The following ROBO1 variants were observed in gnomAD, a reference collection of about 807,000 sequenced individuals.
ROBO1 encodes roundabout guidance receptor 1, also known as roundabout homolog 1.
ROBO1 carries 149 observed loss-of-function variants against 195.9 expected under a neutral mutation model. The observed-to-expected ratio is 0.76, with a 90% CI of 0.67 to 0.87. ROBO1 has a LOEUF of 0.87. Ranked by LOEUF, ROBO1 falls within the 40% of genes least tolerant of loss-of-function variation. ROBO1 has a pLI of 0.00. For missense variants in ROBO1, 1,933 were observed against 2,068.3 expected (o/e 0.93, Z 1.27); for synonymous variants, 816 against 733.2 (o/e 1.11, Z -1.82).
chr3:78,975,406 T>A (rs1057287020), intron 3 of ROBO1, among the ~76,000 whole-genome samples: 2 of 152,132 alleles, frequency 1.3e-5, no homozygotes, highest in African/African-American at 2.4e-5. Context: ...ATAAAGCCAG[T>A]ATGCCTTCCT....
Position 78,651,945 on chromosome 3 carries a change from C to A in ROBO1, c.2615-16G>T. Reference sequence around the variant, plus strand: ...CCATGGGCATCTGAAAAGTCATCTTCCGATTAATTTGGGTTGAAGACTCAA... The same window carrying A: ...CCATGGGCATCTGAAAAGTCATCTTACGATTAATTTGGGTTGAAGACTCAA... On this transcript the variant is annotated splice_polypyrimidine_tract_variant and intron_variant, in intron 18 of 30. Coordinates refer to ENST00000464233, the MANE Select transcript of ROBO1 (RefSeq NM_002941.4). The A allele has an allele frequency of 6.2e-7, 1 of 1,607,402 alleles. No homozygotes were observed. Among genetic ancestry groups the A allele is most frequent in the East Asian group, 2.2e-5 (1 of 44,770 alleles).
intron 10 of ROBO1, among the ~76,000 whole-genome samples, chr3:78,681,751 A>G (rs1451206306): frequency 2.0e-5 from 3 of 152,024 alleles, no homozygotes; most frequent in Non-Finnish European, 4.4e-5. Flanking sequence ...AAAATACAAA[A>G]ATTAGTCGGG....
chr3:79,583,137 G>A (rs1943711923), intron 2 of ROBO1, among the ~76,000 whole-genome samples: 1 of 152,064 alleles, frequency 6.6e-6, no homozygotes, highest in African/African-American at 2.4e-5. Context: ...CTTATGGATA[G>A]TGGTCATTCT....
chr3:78,669,050 C>T (rs1395941604), intron 11 of ROBO1, among the ~76,000 whole-genome samples: 2 of 152,072 alleles, frequency 1.3e-5, no homozygotes, highest in African/African-American at 2.4e-5. Flanking sequence ...TTTTCTTAAA[C>T]TACTGACTTT....
Position 79,360,548 on chromosome 3 carries a change from C to A in ROBO1, c.88+229276G>T. On this transcript the variant is annotated intron_variant, in intron 2 of 30. Coordinates refer to ENST00000464233, the MANE Select transcript of ROBO1 (RefSeq NM_002941.4). ...CAGCTACAGTTTTGCATATTAATAA[C>A]AATGACATTGATGATGGTGATGATG... Among the ~76,000 whole-genome samples the A allele has an allele frequency of 1.3e-5, 2 of 151,938 alleles. 1 individual carries two copies. The highest frequency in any genetic ancestry group is 1.3e-4 in the Admixed American group (2 of 15,246).
chr3:79,200,043 G>A (rs978439336), intron 2 of ROBO1, among the ~76,000 whole-genome samples: 1 of 151,700 alleles, frequency 6.6e-6, no homozygotes, highest in East Asian at 1.9e-4. Context: ...GACCATCAAA[G>A]CTGTAACTGT....
chr3:79,017,675 C>G (rs767235054), intron 3 of ROBO1, among the ~76,000 whole-genome samples: 6 of 152,020 alleles, frequency 3.9e-5, no homozygotes, highest in Non-Finnish European at 8.8e-5. Context: ...TTTCAGCATC[C>G]TTCCAACACT....
chr3:79,229,895 T>C lies in ROBO1; in HGVS notation c.89-104356A>G, dbSNP rs767403633. ...TATCAATGATCTTTCTCACTAATAA[T>C]TGAGAGTTTTCTTGATTTCAAAAAG... On this transcript the variant is annotated intron_variant, in intron 2 of 30. Coordinates refer to ENST00000464233, the MANE Select transcript of ROBO1 (RefSeq NM_002941.4). Among the ~76,000 whole-genome samples, 70 of 152,158 alleles carry C rather than the reference T, an allele frequency of 4.6e-4. 2 individuals are homozygous for C. Among genetic ancestry groups the C allele is most frequent in the Non-Finnish European group, 1.6e-4 (11 of 68,024 alleles).
chr3:79,466,634 G>A (rs1416663493), intron 2 of ROBO1, among the ~76,000 whole-genome samples: 1 of 151,890 alleles, frequency 6.6e-6, no homozygotes, highest in Non-Finnish European at 1.5e-5. Context: ...TTTCAATAGG[G>A]CAGGTACTGG....
chr3:78,936,799 T>C (rs536121490), intron 4 of ROBO1, among the ~76,000 whole-genome samples: 1 of 152,070 alleles, frequency 6.6e-6, no homozygotes, highest in East Asian at 1.9e-4. Context: ...TACATTCTTT[T>C]ATAAATAGGT....
intron 9 of ROBO1, among the ~76,000 whole-genome samples, chr3:78,687,759 G>T (rs2081083273): frequency 6.6e-6 from 1 of 151,816 alleles, no homozygotes; most frequent in African/African-American, 2.4e-5. Flanking sequence ...AGAGTAGCTG[G>T]GACTAGAAAC....
At chr3:79,174,310 G>A (rs892326475) in intron 2 of ROBO1, among the ~76,000 whole-genome samples, 1 of 151,802 alleles carries the variant, frequency 6.6e-6, no homozygotes, top group African/African-American at 2.4e-5. Flanking sequence ...CTCCAGACGT[G>A]CCGCCTTAAG....
chr3:79,093,328 G>T (rs980588506), intron 3 of ROBO1, among the ~76,000 whole-genome samples: 1 of 152,028 alleles, frequency 6.6e-6, no homozygotes, highest in Admixed American at 6.6e-5. Flanking sequence ...TGTATAACTT[G>T]GGAGTTCCTT....
At chr3:79,041,739 A>G (rs2078491226) in intron 3 of ROBO1, among the ~76,000 whole-genome samples, 1 of 152,130 alleles carries the variant, frequency 6.6e-6, no homozygotes, top group Non-Finnish European at 1.5e-5. Context: ...TTTTCCACAA[A>G]TGGGAGGAAA....
chr3:79,384,902 G>A (rs146787016), intron 2 of ROBO1, among the ~76,000 whole-genome samples: 6 of 151,984 alleles, frequency 3.9e-5, no homozygotes, highest in Non-Finnish European at 8.8e-5. Flanking sequence ...GGAAATCTCC[G>A]ATACAGGAAA....
intron 2 of ROBO1, among the ~76,000 whole-genome samples, chr3:79,557,549 C>A (rs2107695691): frequency 6.6e-6 from 1 of 151,602 alleles, no homozygotes; most frequent in Admixed American, 6.6e-5. Context: ...GCCTGGCCAA[C>A]AAGGCGAAAC....
At chr3:79,395,955 T>G in intron 2 of ROBO1, among the ~76,000 whole-genome samples, 1 of 152,114 alleles carries the variant, frequency 6.6e-6, no homozygotes, top group Admixed American at 6.5e-5. Context: ...TGTCAGTTTC[T>G]AAGGAAGGAC....
intron 2 of ROBO1, among the ~76,000 whole-genome samples, chr3:79,587,534 ATTGT>A (rs1221568481): frequency 1.3e-5 from 2 of 151,524 alleles, no homozygotes; most frequent in Non-Finnish European, 3.0e-5. Flanking sequence ...TCCTTATCTG[ATTGT>A]TTATTATTAG....
chr3:79,429,165 G>A (rs115524200), intron 2 of ROBO1, among the ~76,000 whole-genome samples: 146 of 152,204 alleles, frequency 9.6e-4, no homozygotes, highest in Middle Eastern at 3.4e-3. Context: ...TGCATATCAA[G>A]TCACTATGGA....
Sources: allele counts gnomAD v4.1 joint callset (sites outside exome capture counted in the v4.1 genomes callset), GRCh38; gene constraint gnomAD v4.1.1; transcripts MANE v1.5; gene names NCBI Gene and HGNC (gene_info 2026-07-23, HGNC 2026-07-21).